KAZN: variants seen among roughly 807,000 people sequenced by gnomAD.
The protein encoded by KAZN is kazrin.
A neutral mutation model predicts 87.4 loss-of-function variants in KAZN; 40 were observed. That is an observed-to-expected ratio of 0.46 (90% CI 0.36 to 0.60). The LOEUF (loss-of-function observed/expected upper bound fraction) is 0.60, where lower values mean the gene tolerates loss of function less well. Ranked by LOEUF, KAZN falls within the 20% of genes least tolerant of loss-of-function variation. The probability of loss-of-function intolerance (pLI) is 0.00; values close to 1 mark genes in which losing one functional copy is unlikely to be tolerated. For synonymous variants in KAZN, 466 were observed against 458.3 expected (o/e 1.02, Z -0.22); for missense variants, 898 against 1,073.9 (o/e 0.84, Z 2.29).
At chr1:14,408,671 T>TAAA (rs1373976293) in intron 2 of KAZN, among the ~76,000 whole-genome samples, 1 of 152,110 alleles carries the variant, frequency 6.6e-6, no homozygotes, top group Non-Finnish European at 1.5e-5. Flanking sequence ...TCACCTGTAT[T>TAAA]AACTTAATTA....
chr1:14,652,580 C>T (rs1449875157), intron 1 of KAZN, among the ~76,000 whole-genome samples: 1 of 110,104 alleles, frequency 9.1e-6, no homozygotes, highest in Non-Finnish European at 1.9e-5. Context: ...CACTCATCCA[C>T]CTATCTACTC....
intron 2 of KAZN, among the ~76,000 whole-genome samples, chr1:14,539,926 A>G (rs906616419): frequency 1.3e-5 from 2 of 152,130 alleles, no homozygotes; most frequent in African/African-American, 4.8e-5. Context: ...CCTGATCTCA[A>G]TGACATGTGA....
At chr1:14,513,197 G>A (rs892732298) in intron 2 of KAZN, among the ~76,000 whole-genome samples, 3 of 152,104 alleles carry the variant, frequency 2.0e-5, no homozygotes, top group African/African-American at 4.8e-5. Context: ...AAGGATATTA[G>A]GGCAAACCGG....
chr1:14,483,951 ATAATGGTC>A (rs1356652480), intron 2 of KAZN, among the ~76,000 whole-genome samples: 2 of 152,222 alleles, frequency 1.3e-5, no homozygotes, highest in Non-Finnish European at 2.9e-5. Flanking sequence ...ATGGTGTGAG[ATAATGGTC>A]TAATTTGATT....
chr1:15,110,973 A>AT (rs1557807726), intron 13 of KAZN, among the ~76,000 whole-genome samples: 2 of 152,138 alleles, frequency 1.3e-5, no homozygotes, highest in African/African-American at 4.8e-5. Flanking sequence ...CTGAGTTTAC[A>AT]TTTTTTGGCT....
intron 2 of KAZN, among the ~76,000 whole-genome samples, chr1:14,980,598 T>C (rs1214753472): frequency 2.0e-5 from 3 of 152,198 alleles, no homozygotes; most frequent in Non-Finnish European, 4.4e-5. Context: ...TCCAGGCTCA[T>C]CTGCATAGTC....
intron 13 of KAZN, among the ~76,000 whole-genome samples, chr1:15,109,151 G>A (rs981125922): frequency 6.6e-6 from 1 of 152,150 alleles, no homozygotes; most frequent in Non-Finnish European, 1.5e-5. Flanking sequence ...TTGGGAGGTC[G>A]AGGCCGGTAG....
intron 2 of KAZN, among the ~76,000 whole-genome samples, chr1:14,247,192 T>C (rs1171460397): frequency 6.6e-6 from 1 of 152,182 alleles, no homozygotes; most frequent in African/African-American, 2.4e-5. Context: ...ATTTTTAAAA[T>C]ATTTGTTTTA....
chr1:14,318,685 G>A (rs959810657), intron 2 of KAZN, among the ~76,000 whole-genome samples: 13 of 151,888 alleles, frequency 8.6e-5, no homozygotes, highest in Admixed American at 3.9e-4. Context: ...GAGATCACTC[G>A]ATATTGTCGT....
Position 13,971,929 on chromosome 1 carries a change from C to G in KAZN, c.91+78173C>G, listed in dbSNP as rs890549533. ...TTGCCTTCCACCATAATTGTAAGTTCCCTGAGGCCTCCCCAGAGGCTGATG... is the reference window on the plus strand; with the variant it reads ...TTGCCTTCCACCATAATTGTAAGTTGCCTGAGGCCTCCCCAGAGGCTGATG... On this transcript the variant is annotated intron_variant, in intron 1 of 16. Coordinates refer to the KAZN transcript ENST00000636203. Among the ~76,000 whole-genome samples the G allele has an allele frequency of 2.0e-5, 3 of 152,106 alleles. No individual in the cohort carries two copies. In the East Asian group the frequency reaches 5.8e-4, roughly 29 times the overall value.
At chr1:14,771,395 G>A (rs568753238) in intron 1 of KAZN, among the ~76,000 whole-genome samples, 1 of 152,320 alleles carries the variant, frequency 6.6e-6, no homozygotes, top group South Asian at 2.1e-4. Context: ...AATATTTAAT[G>A]TGGTGGAGGA....
At chr1:13,996,024 G>C (rs12754561) in intron 1 of KAZN, among the ~76,000 whole-genome samples, 22,081 of 151,996 alleles carry the variant, frequency 0.15, 1,712 homozygotes, top group Middle Eastern at 0.22. Context: ...AAGGTATCCA[G>C]GTTCCGTCAT....
intron 2 of KAZN, among the ~76,000 whole-genome samples, chr1:14,961,797 T>C (rs1663900341): frequency 6.6e-6 from 1 of 152,216 alleles, no homozygotes; most frequent in South Asian, 2.1e-4. Flanking sequence ...CTAAAGCAGG[T>C]TTATTAATTA....
intron 2 of KAZN, among the ~76,000 whole-genome samples, chr1:14,376,072 C>T (rs3856271): frequency 0.93 from 141,001 of 152,134 alleles, 65,514 homozygotes; most frequent in Middle Eastern, 0.97. Flanking sequence ...ATGCAAGCAA[C>T]AGAAAAGAGG....
chr1:14,295,194 A>G (rs1654017998), intron 2 of KAZN, among the ~76,000 whole-genome samples: 1 of 152,148 alleles, frequency 6.6e-6, no homozygotes, highest in Admixed American at 6.5e-5. Flanking sequence ...TACTGTAACC[A>G]CAAAGTCATG....
At chr1:14,728,964 G>T (rs944666711) in intron 1 of KAZN, among the ~76,000 whole-genome samples, 2 of 152,174 alleles carry the variant, frequency 1.3e-5, no homozygotes, top group Non-Finnish European at 2.9e-5. Flanking sequence ...ACCTTCCAGA[G>T]GTTACTTATT....
At chr1:14,751,451 C>T (rs1644410235) in intron 1 of KAZN, among the ~76,000 whole-genome samples, 1 of 152,154 alleles carries the variant, frequency 6.6e-6, no homozygotes, top group Admixed American at 6.5e-5. Flanking sequence ...AGGCATTATC[C>T]ACAGAACTTC....
In KAZN at chr1:14,485,023, C is replaced by T. The variant is rs891690903; in HGVS notation, c.250-113960C>T. On this transcript the variant is annotated intron_variant, in intron 2 of 16. Transcript: ENST00000636203. Reference sequence around the variant, plus strand: ...ACAATGAAGAGGTTGTGCAAACTTACATTGCAAAGGGTTTAGATTCAGGGG... The same window carrying T: ...ACAATGAAGAGGTTGTGCAAACTTATATTGCAAAGGGTTTAGATTCAGGGG... 1.3e-4 allele frequency among the ~76,000 whole-genome samples: 20 copies of T among 152,174 alleles called. 1 individual carries two copies. Among genetic ancestry groups the T allele is most frequent in the Admixed American group, 4.6e-4 (7 of 15,284 alleles).
chr1:15,019,918 C>G (rs761970861), intron 2 of KAZN, among the ~76,000 whole-genome samples: 2 of 152,176 alleles, frequency 1.3e-5, no homozygotes, highest in African/African-American at 4.8e-5. Context: ...CAAGTACTGC[C>G]TGGCACCTCC....
Sources: gnomAD v4.1 joint callset for allele counts (sites outside exome capture counted in the v4.1 genomes callset) on GRCh38, gnomAD v4.1.1 for gene constraint, MANE v1.5 for transcripts, NCBI Gene and HGNC (gene_info 2026-07-23, HGNC 2026-07-21) for gene names.